NBEA: variants seen among roughly 807,000 people sequenced by gnomAD.
The protein encoded by NBEA is neurobeachin, also known as lysosomal-trafficking regulator 2.
A neutral mutation model predicts 343.4 loss-of-function variants in NBEA; 44 were observed. The ratio of observed to expected loss-of-function variants is 0.13; its 90% CI spans 0.10 to 0.16. The LOEUF (loss-of-function observed/expected upper bound fraction) is 0.16. Among genes scored for constraint, NBEA ranks in the 10% least tolerant of loss-of-function variants. The pLI, the probability that NBEA is intolerant of heterozygous loss-of-function variation, is 1.00. For missense variants in NBEA, 2,555 were observed against 3,631.3 expected, an observed-to-expected ratio of 0.70 and a Z score of 7.62; for synonymous variants, 1,175 against 1,238.7, an observed-to-expected ratio of 0.95 and a Z score of 1.08.
chr13:35,296,978 C>T (rs576845099), intron 35 of NBEA, among the ~76,000 whole-genome samples: 1 of 152,010 alleles, frequency 6.6e-6, no homozygotes, highest in East Asian at 1.9e-4. Context: ...AAAAATAGTA[C>T]ACAGAGTCCC....
intron 2 of NBEA, among the ~76,000 whole-genome samples, chr13:35,041,572 G>A (rs2062651813): frequency 6.6e-6 from 1 of 151,910 alleles, no homozygotes; most frequent in Admixed American, 6.6e-5. Flanking sequence ...TGGCATATAT[G>A]CAACTATGAC....
intron 28 of NBEA, among the ~76,000 whole-genome samples, chr13:35,180,145 AATAAAT>A (rs1351667106): frequency 1.3e-5 from 2 of 151,764 alleles, no homozygotes; most frequent in Non-Finnish European, 3.0e-5. Context: ...TAGATGAAGT[AATAAAT>A]ATAAAGTGCC....
chr13:35,622,558 C>CAACT (rs2083039984), intron 48 of NBEA, among the ~76,000 whole-genome samples: 1 of 152,130 alleles, frequency 6.6e-6, no homozygotes. Context: ...ACATCAAAGA[C>CAACT]AACTATATTG....
At chr13:35,512,523 A>G (rs2077313386) in intron 41 of NBEA, among the ~76,000 whole-genome samples, 1 of 152,194 alleles carries the variant, frequency 6.6e-6, no homozygotes, top group Non-Finnish European at 1.5e-5. Context: ...TTGGTCTGCT[A>G]ATCTCTGAGC....
At chr13:34,944,535 A>G (rs1231175421) in intron 1 of NBEA, among the ~76,000 whole-genome samples, 2 of 152,182 alleles carry the variant, frequency 1.3e-5, no homozygotes, top group African/African-American at 2.4e-5. Context: ...ATCATCATGA[A>G]AAGTCAGTGT....
At position 35,060,714 on chromosome 13, in the gene NBEA, C is replaced by CT. The variant is rs34983091; in HGVS notation, c.1239+1860dup. Among the ~76,000 whole-genome samples, 546 of 150,156 alleles carry CT rather than the reference C, an allele frequency of 3.6e-3. 2 individuals are homozygous for CT. Among genetic ancestry groups the CT allele is most frequent in the African/African-American group, 0.012 (475 of 40,908 alleles). ...AGCAAAAATTTTTTATATTAAAAAG[C>CT]TTTTTTTTTCAGAAATTCAGAGAAT... is the stretch of plus-strand genomic sequence containing the variant. On this transcript the variant is annotated intron_variant, in intron 8 of 58. Coordinates refer to ENST00000379939, the MANE Select transcript of NBEA (RefSeq NM_001385012.1).
chr13:35,377,982 A>T (rs2041833834), intron 38 of NBEA, among the ~76,000 whole-genome samples: 1 of 152,234 alleles, frequency 6.6e-6, no homozygotes, highest in Non-Finnish European at 1.5e-5. Context: ...TTAAGACAGC[A>T]GCTCAAAATA....
At chr13:35,542,329 C>T (rs1293926409) in intron 41 of NBEA, among the ~76,000 whole-genome samples, 2 of 152,024 alleles carry the variant, frequency 1.3e-5, no homozygotes, top group African/African-American at 4.8e-5. Flanking sequence ...TTTTGTTTGC[C>T]TCACAGTTAA....
chr13:35,308,484 A>C (rs1460972705), intron 35 of NBEA, among the ~76,000 whole-genome samples: 1 of 121,388 alleles, frequency 8.2e-6, no homozygotes, highest in African/African-American at 3.4e-5. Context: ...GTATATATAT[A>C]TGTGTATATA....
intron 34 of NBEA, among the ~76,000 whole-genome samples, chr13:35,246,339 T>C (rs1276160173): frequency 6.6e-6 from 1 of 152,190 alleles, no homozygotes; most frequent in African/African-American, 2.4e-5. Context: ...ACTGTGATTT[T>C]TTGGGGGATG....
In NBEA at chr13:35,651,891, A is replaced by C; in HGVS notation, c.8035+15A>C. ...TCCATTAATAGGTATGTTAATAAAA[A>C]AGAATAAATTTTCATGGATACTATC... On this transcript the variant is annotated intron_variant, in intron 53 of 58. Coordinates refer to ENST00000379939, the MANE Select transcript of NBEA (RefSeq NM_001385012.1). The C allele has an allele frequency of 6.9e-7, 1 of 1,446,694 alleles. No individual in the cohort carries two copies. The highest frequency in any genetic ancestry group is 9.5e-7 in the Non-Finnish European group (1 of 1,051,804). The allele number at this position is 1,446,694 out of a possible 1,614,324, so 89.6% of individuals were successfully genotyped here. A position where few individuals can be genotyped will look rare whatever the true frequency, so the allele number is the denominator to read the frequency against.
At chr13:35,005,883 A>G (rs2061301527) in intron 1 of NBEA, among the ~76,000 whole-genome samples, 1 of 152,160 alleles carries the variant, frequency 6.6e-6, no homozygotes, top group South Asian at 2.1e-4. Context: ...TTTTGTGTTT[A>G]TGAATTACTT....
At chr13:35,600,928 G>C (rs2082016462) in intron 47 of NBEA, among the ~76,000 whole-genome samples, 1 of 152,098 alleles carries the variant, frequency 6.6e-6, no homozygotes, top group African/African-American at 2.4e-5. Context: ...TGTAATCACA[G>C]CACTTGGAAA....
intron 38 of NBEA, among the ~76,000 whole-genome samples, chr13:35,430,497 T>C (rs569012359): frequency 6.6e-6 from 1 of 152,326 alleles, no homozygotes; most frequent in African/African-American, 2.4e-5. Context: ...ACTTCTGGGT[T>C]CTTGGTCATG....
chr13:35,562,752 G>C (rs1474545611), intron 44 of NBEA, among the ~76,000 whole-genome samples: 1 of 152,024 alleles, frequency 6.6e-6, no homozygotes, highest in African/African-American at 2.4e-5. Context: ...TGTCTGTAAA[G>C]TGTGAAGAAG....
At chr13:35,343,720 G>A (rs771998278) in intron 36 of NBEA, among the ~76,000 whole-genome samples, 1 of 151,992 alleles carries the variant, frequency 6.6e-6, no homozygotes, top group Non-Finnish European at 1.5e-5. Flanking sequence ...TGCATGCAAG[G>A]GATATAGGTT....
At chr13:35,571,441 G>A (rs189161476) in intron 45 of NBEA, among the ~76,000 whole-genome samples, 17 of 152,238 alleles carry the variant, frequency 1.1e-4, no homozygotes, top group African/African-American at 4.1e-4. Flanking sequence ...GTCACATATT[G>A]TGCAAATTTA....
At chr13:35,227,189 G>T (rs552909495) in intron 33 of NBEA, among the ~76,000 whole-genome samples, 2 of 151,948 alleles carry the variant, frequency 1.3e-5, no homozygotes, top group East Asian at 3.9e-4. Context: ...ACCTTAGAAA[G>T]CTGTAACTTA....
chr13:35,188,921 T>G (rs1396147552), intron 30 of NBEA, among the ~76,000 whole-genome samples: 1 of 151,036 alleles, frequency 6.6e-6, no homozygotes, highest in Non-Finnish European at 1.5e-5. Context: ...TTTTTTTTTT[T>G]TTGGTTGTTT....
Sources: gnomAD v4.1 joint callset for allele counts (sites outside exome capture counted in the v4.1 genomes callset) on GRCh38, gnomAD v4.1.1 for gene constraint, MANE v1.5 for transcripts, NCBI Gene and HGNC (gene_info 2026-07-23, HGNC 2026-07-21) for gene names.